TCIRG1: variants seen among roughly 807,000 people sequenced by gnomAD.
TCIRG1 encodes V-type proton ATPase 116 kDa subunit a 3.
TCIRG1 carries 86 observed loss-of-function variants against 95.5 expected under a neutral mutation model. That is an observed-to-expected ratio of 0.90 (90% CI 0.76 to 1.08). The LOEUF (loss-of-function observed/expected upper bound fraction) is 1.08. Among genes scored for constraint, TCIRG1 ranks in the 50% least tolerant of loss-of-function variants. The pLI is 0.00. For missense variants in TCIRG1, 1,069 were observed against 1,140.2 expected (o/e 0.94, Z 0.90); for synonymous variants, 499 against 501.3 (o/e 1.00, Z 0.06).
chr11:68,043,462 A>G lies in TCIRG1; in HGVS notation c.595A>G (p.Arg199Gly). The part of the protein sequence containing the change: ...ACRGFLIASF[R>G]ELEQPLEHPV... ...CCGCGGCTTCCTCATTGCCAGCTTC[A>G]GGGAGCTGGAGCAGCCGCTGGAGCA... is the stretch of plus-strand genomic sequence containing the variant. Residue 199 changes from arginine to glycine, a missense_variant, in exon 6 of 20, where the codon AGG (arginine) becomes GGG (glycine). By Grantham distance (125) the Arg-to-Gly change is moderately radical. Coordinates refer to ENST00000265686, the MANE Select transcript of TCIRG1 (RefSeq NM_006019.4). The G allele has an allele frequency of 6.4e-7, 1 of 1,554,778 alleles. No homozygotes were observed. Among genetic ancestry groups the G allele is most frequent in the African/African-American group, 1.4e-5 (1 of 73,490 alleles).
chr11:68,041,286 C>G lies in TCIRG1; in HGVS notation c.15C>G (p.Phe5Leu), dbSNP rs1233969553. 12 of 1,612,268 alleles carry G rather than the reference C, an allele frequency of 7.4e-6. No individual in the cohort carries two copies. Among genetic ancestry groups the G allele is most frequent in the Non-Finnish European group, 9.3e-6 (11 of 1,179,350 alleles). ...CCCACAGGACCATGGGCTCCATGTTCCGGAGCGAGGAGGTGGCCCTGGTCC... is the reference window on the plus strand; with the variant it reads ...CCCACAGGACCATGGGCTCCATGTTGCGGAGCGAGGAGGTGGCCCTGGTCC... Reference protein sequence around the residue: MGSMFRSEEVALVQL... With the variant: MGSMLRSEEVALVQL... Residue 5 changes from phenylalanine to leucine, a missense_variant, in exon 2 of 20, where the codon TTC becomes TTG. By Grantham distance (22) the Phe-to-Leu change is conservative. Coordinates refer to ENST00000265686, the MANE Select transcript of TCIRG1 (RefSeq NM_006019.4).
At chr11:68,044,417 C>T (rs1219577824) in intron 9 of TCIRG1, 73 bp downstream of exon 9, 2 of 1,252,020 alleles carry the variant, frequency 1.6e-6, no homozygotes, top group Non-Finnish European at 2.2e-6. Flanking sequence ...GCCTCACTTC[C>T]AGCCTCTGGC....
intron 10 of TCIRG1, among the ~76,000 whole-genome samples, chr11:68,045,459 C>G (rs1354521089): frequency 1.3e-5 from 2 of 152,188 alleles, no homozygotes; most frequent in Non-Finnish European, 1.5e-5. Context: ...GAAATAATAG[C>G]GCAAACCTCA....
chr11:68,047,973 G>A lies in TCIRG1; in HGVS notation c.1554+1G>A. ...ACCCTACCCCTTTGGCATCGATCCT[G>A]TGAGTCCTGGGATGGAGTGTCCGTG... On this transcript the variant is annotated splice_donor_variant, in intron 13 of 19. Coordinates refer to ENST00000265686, the MANE Select transcript of TCIRG1 (RefSeq NM_006019.4). LOFTEE classifies it high-confidence loss of function. 1 of 1,613,412 alleles carries A rather than the reference G, an allele frequency of 6.2e-7. No homozygotes were observed. The highest frequency in any genetic ancestry group is 8.5e-7 in the Non-Finnish European group (1 of 1,179,722).
intron 9 of TCIRG1, 34 bp downstream of exon 9, chr11:68,044,378 C>A (rs750456571): frequency 6.6e-7 from 1 of 1,510,758 alleles, no homozygotes; most frequent in South Asian, 1.2e-5. Context: ...CCTCTCCGCC[C>A]GCCCCTCCTA....
intron 10 of TCIRG1, chr11:68,047,004 T>TTA: frequency 2.8e-6 from 1 of 354,306 alleles, no homozygotes; most frequent in Non-Finnish European, 5.1e-6. Flanking sequence ...AAGTGGTGGG[T>TTA]TCTTTTTTTT....
intron 5 of TCIRG1, 96 bp from the exon 6 acceptor site, chr11:68,043,275 C>T (rs1046844012): frequency 5.4e-6 from 8 of 1,495,126 alleles, no homozygotes; most frequent in East Asian, 4.9e-5. Context: ...CCCAATTGCC[C>T]GATTGCCCGT....
At position 68,050,458 on chromosome 11, in the gene TCIRG1, T is replaced by C. The variant is rs117628647; in HGVS notation, c.2237-29T>C. 7.5e-3 allele frequency: 12,098 copies of C among 1,611,934 alleles called. 65 individuals are homozygous for C. The highest frequency in any genetic ancestry group is 8.8e-3 in the Non-Finnish European group (10,366 of 1,179,956). ...GGGGCTGGCAGGCACCCACTTGCCG[T>C]TGGCCCCCACTGTCTCCTTTGCTTG... On this transcript the variant is annotated intron_variant, in intron 18 of 19. Transcript: ENST00000265686.
rs1250277051 is a variant in TCIRG1 at position 68,044,951 on chromosome 11, C to T, written c.1021-7C>T. ...CCGTTCTGGTCTGTCTCTGCCCTGGCACCCAGATGGAGGAGGGAGTGAGTG... is the reference window on the plus strand; with the variant it reads ...CCGTTCTGGTCTGTCTCTGCCCTGGTACCCAGATGGAGGAGGGAGTGAGTG... On this transcript the variant is annotated splice_polypyrimidine_tract_variant and splice_region_variant and intron_variant, in intron 9 of 19. Coordinates refer to ENST00000265686, the MANE Select transcript of TCIRG1 (RefSeq NM_006019.4). 1.2e-6 allele frequency: 2 copies of T among 1,606,974 alleles called. No homozygotes were observed. The highest frequency in any genetic ancestry group is 1.3e-5 in the African/African-American group (1 of 74,946).
At chr11:68,042,446 G>A (rs1855215738) in intron 3 of TCIRG1, among the ~76,000 whole-genome samples, 197 bp from the exon 4 acceptor site, 1 of 152,214 alleles carries the variant, frequency 6.6e-6, no homozygotes, top group Admixed American at 6.5e-5. Context: ...CCAAGGGACT[G>A]GGGAGGGAGA....
At chr11:68,041,506 C>A in intron 2 of TCIRG1, 118 bp downstream of exon 2, 1 of 828,410 alleles carries the variant, frequency 1.2e-6, no homozygotes, top group Non-Finnish European at 1.9e-6. Context: ...TGAACCCCAG[C>A]GGCCCCTGCC....
chr11:68,044,344 G>GGT lies in TCIRG1; in HGVS notation c.1020+2_1020+3dup. On this transcript the variant is annotated frameshift_variant and splice_region_variant. Transcript: ENST00000265686. LOFTEE classifies it high-confidence loss of function. The stretch of plus-strand genomic sequence containing the variant: ...TGCAGGAGGCCCTGCGGGACAGCTC[G>GGT]GTGAGCAGCCTGAGGCCTCGCCCCC... 1 of 1,577,188 alleles carries GGT rather than the reference G, an allele frequency of 6.3e-7. No homozygotes were observed. Among genetic ancestry groups the GGT allele is most frequent in the Non-Finnish European group, 8.6e-7 (1 of 1,167,096 alleles).
At chr11:68,046,151 G>A (rs985873005) in intron 10 of TCIRG1, among the ~76,000 whole-genome samples, 8 of 152,162 alleles carry the variant, frequency 5.3e-5, no homozygotes, top group African/African-American at 1.9e-4. Flanking sequence ...AAGTGCCACC[G>A]GCTACTGGCT....
At chr11:68,048,044 C>A in intron 13 of TCIRG1, 72 bp downstream of exon 13, 2 of 1,367,136 alleles carry the variant, frequency 1.5e-6, no homozygotes, top group South Asian at 1.2e-5. Context: ...CCCCTCGGTT[C>A]AGCCGTCCTG....
intron 9 of TCIRG1, 48 bp from the exon 10 acceptor site, chr11:68,044,910 C>G (rs562800542): frequency 1.2e-6 from 2 of 1,601,626 alleles, no homozygotes; most frequent in South Asian, 2.2e-5. Flanking sequence ...CCCAGGGTCC[C>G]TGAAGGCCCC....
chr11:68,048,819 C>A (rs773358390), intron 13 of TCIRG1, 60 bp from the exon 14 acceptor site: 47 of 1,253,374 alleles, frequency 3.7e-5, no homozygotes, highest in Admixed American at 3.7e-4. Context: ...GGGCCGGGGA[C>A]TTCCTGGCAG....
At chr11:68,046,821 G>A (rs1391747768) in intron 10 of TCIRG1, 3 of 455,012 alleles carry the variant, frequency 6.6e-6, no homozygotes, top group East Asian at 1.4e-4. Context: ...TGGCTTCTGT[G>A]TGGAGCTCTG....
intron 2 of TCIRG1, 123 bp from the exon 3 acceptor site, chr11:68,041,630 G>T: frequency 1.2e-6 from 1 of 845,680 alleles, no homozygotes. Context: ...GTGGCTCCCA[G>T]GGCACTCCAC....
rs554040286 is a variant in TCIRG1 at position 68,044,985 on chromosome 11, C to T, written c.1048C>T (p.His350Tyr). The change falls in exon 10 of 20, where the codon CAC becomes TAC. Residue 350 changes from histidine (H) to tyrosine (Y), a missense_variant. Coordinates refer to ENST00000265686, the MANE Select transcript of TCIRG1 (RefSeq NM_006019.4). ...SMEEGVSAVAHRIPCRDMPPT... is the reference protein window; with the variant it reads ...SMEEGVSAVAYRIPCRDMPPT... Reference sequence around the variant, plus strand: ...GGAGGAGGGAGTGAGTGCCGTGGCTCACCGCATCCCCTGCCGGGACATGCC... The same window carrying T: ...GGAGGAGGGAGTGAGTGCCGTGGCTTACCGCATCCCCTGCCGGGACATGCC... The T allele has an allele frequency of 1.2e-6, 2 of 1,608,722 alleles. No homozygotes were observed. Among genetic ancestry groups the T allele is most frequent in the Non-Finnish European group, 1.7e-6 (2 of 1,179,990 alleles).
Sources: allele counts gnomAD v4.1 joint callset (sites outside exome capture counted in the v4.1 genomes callset), GRCh38; gene constraint gnomAD v4.1.1; transcripts MANE v1.5; gene names NCBI Gene and HGNC (gene_info 2026-07-23, HGNC 2026-07-21).